SH3RF3: variants seen among roughly 807,000 people sequenced by gnomAD.
SH3RF3 encodes the protein SH3 domain containing ring finger 3, also known as E3 ubiquitin-protein ligase SH3RF3.
Under a neutral mutation model 66.3 loss-of-function variants are expected in SH3RF3, and 29 were observed. That is an observed-to-expected ratio of 0.44 (90% confidence interval 0.33 to 0.60). The LOEUF is 0.60. SH3RF3 is among the 20% of genes least tolerant of loss of function. The pLI, the probability that SH3RF3 is intolerant of heterozygous loss-of-function variation, is 0.04. For synonymous variants in SH3RF3, 583 were observed against 532.0 expected (o/e 1.10, Z -1.32); for missense variants, 1,194 against 1,190.9 (o/e 1.00, Z -0.04).
rs1167104709 is a variant in SH3RF3 at position 109,235,637 on chromosome 2, T to C, written c.573+105524T>C. Among the ~76,000 whole-genome samples the C allele has an allele frequency of 3.9e-5, 6 of 152,350 alleles. No individual in the cohort carries two copies. The East Asian group carries it at 7.7e-4, about 20-fold the overall frequency. Reference sequence around the variant, plus strand: ...TGTTGTTTGTTTGTTTTGCTTTTGCTGTTTTTTGGTGTCATTAGAGGGAGA... The same window carrying C: ...TGTTGTTTGTTTGTTTTGCTTTTGCCGTTTTTTGGTGTCATTAGAGGGAGA... On this transcript the variant is annotated intron_variant, in intron 1 of 9. Transcript: ENST00000309415.
intron 3 of SH3RF3, among the ~76,000 whole-genome samples, chr2:109,383,816 T>C (rs1384153854): frequency 6.6e-6 from 1 of 152,154 alleles, no homozygotes; most frequent in Non-Finnish European, 1.5e-5. Context: ...TCAGCCGCAT[T>C]TTCCAGACGT....
chr2:109,138,633 AG>A (rs1676867578), intron 1 of SH3RF3, among the ~76,000 whole-genome samples: 1 of 152,216 alleles, frequency 6.6e-6, no homozygotes, highest in Admixed American at 6.5e-5. Flanking sequence ...GTTCATCTGC[AG>A]TGAGGAAGTG....
At chr2:109,440,412 G>C (rs1392943140) in intron 7 of SH3RF3, among the ~76,000 whole-genome samples, 2 of 152,218 alleles carry the variant, frequency 1.3e-5, no homozygotes, top group African/African-American at 2.4e-5. Flanking sequence ...GAGCATGGAG[G>C]TTCTTCTAGA....
chr2:109,387,354 CAG>C (rs930357406), intron 3 of SH3RF3, among the ~76,000 whole-genome samples: 6 of 152,324 alleles, frequency 3.9e-5, no homozygotes, highest in African/African-American at 1.2e-4. Flanking sequence ...TTCCCCATCT[CAG>C]GGGAGATCCA....
intron 1 of SH3RF3, among the ~76,000 whole-genome samples, chr2:109,196,986 G>A (rs762314118): frequency 3.3e-5 from 5 of 152,194 alleles, no homozygotes; most frequent in Non-Finnish European, 5.9e-5. Flanking sequence ...CAGGTGCTTA[G>A]TTTGATTTCC....
At chr2:109,204,988 AC>A (rs1678776144) in intron 1 of SH3RF3, among the ~76,000 whole-genome samples, 1 of 152,164 alleles carries the variant, frequency 6.6e-6, no homozygotes, top group African/African-American at 2.4e-5. Context: ...CAGGAGGATC[AC>A]TTGAAGCCAG....
chr2:109,130,196 T>C, intron 1 of SH3RF3, 83 bp downstream of exon 1: 1 of 1,195,226 alleles, frequency 8.4e-7, no homozygotes, highest in Non-Finnish European at 1.0e-6. Flanking sequence ...AGTGATGAGG[T>C]GCGGAGGAGA....
At chr2:109,145,573 G>C (rs1166198241) in intron 1 of SH3RF3, among the ~76,000 whole-genome samples, 2 of 152,212 alleles carry the variant, frequency 1.3e-5, no homozygotes, top group African/African-American at 4.8e-5. Context: ...TGTCCGGGGG[G>C]CCTCACTGTT....
chr2:109,331,492 A>G (rs1001646744), intron 1 of SH3RF3, among the ~76,000 whole-genome samples: 2 of 151,096 alleles, frequency 1.3e-5, no homozygotes, highest in South Asian at 2.1e-4. Flanking sequence ...TCCCGCGTCT[A>G]CTCCTTCAGG....
intron 4 of SH3RF3, among the ~76,000 whole-genome samples, chr2:109,403,411 C>T (rs1676368269): frequency 6.6e-6 from 1 of 152,256 alleles, no homozygotes; most frequent in African/African-American, 2.4e-5. Flanking sequence ...GTTTCCACTT[C>T]AGAGATGAGG....
chr2:109,345,531 G>C (rs12472948), intron 1 of SH3RF3, among the ~76,000 whole-genome samples: 23,830 of 152,078 alleles, frequency 0.16, 1,970 homozygotes, highest in Middle Eastern at 0.23. Context: ...GGGAAATGGA[G>C]TCATTCCCTG....
chr2:109,129,475 G>T lies in SH3RF3; in HGVS notation c.-66G>T, dbSNP rs184745542. The T allele has an allele frequency of 6.7e-7, 1 of 1,494,514 alleles. No individual in the cohort carries two copies. The highest frequency in any genetic ancestry group is 1.5e-5 in the African/African-American group (1 of 68,744). The allele number at this position is 1,494,514 out of a possible 1,614,324, so 92.6% of individuals were successfully genotyped here. On this transcript the variant is annotated 5_prime_UTR_variant, in exon 1 of 10. Coordinates refer to ENST00000309415, the MANE Select transcript of SH3RF3 (RefSeq NM_001099289.3). Reference sequence around the variant, plus strand: ...TCCCCAGTCCTGATGCTGGCTGCCGGTGGCGGGCTCCACGCCGGCCCCGGG... The same window carrying T: ...TCCCCAGTCCTGATGCTGGCTGCCGTTGGCGGGCTCCACGCCGGCCCCGGG...
At chr2:109,172,173 G>A (rs1001896906) in intron 1 of SH3RF3, among the ~76,000 whole-genome samples, 7 of 152,226 alleles carry the variant, frequency 4.6e-5, no homozygotes, top group South Asian at 4.1e-4. Flanking sequence ...ATGCCGATGA[G>A]TGAGCTGTGC....
intron 1 of SH3RF3, among the ~76,000 whole-genome samples, chr2:109,249,509 CATTCTTTCTTTT>C (rs1680013898): frequency 1.5e-5 from 1 of 66,358 alleles, no homozygotes; most frequent in South Asian, 5.2e-4. Flanking sequence ...TTCTTTCTTT[CATTCTTTCTTTT>C]TCTTTCTTTC....
chr2:109,442,002 A>G (rs992784158), intron 7 of SH3RF3, among the ~76,000 whole-genome samples: 1 of 152,052 alleles, frequency 6.6e-6, no homozygotes, highest in African/African-American at 2.4e-5. Flanking sequence ...AAACTAAAAG[A>G]TTTTGTCTCT....
At chr2:109,370,742 C>T (rs1449823740) in intron 2 of SH3RF3, among the ~76,000 whole-genome samples, 2 of 152,166 alleles carry the variant, frequency 1.3e-5, no homozygotes, top group Non-Finnish European at 2.9e-5. Flanking sequence ...GTCTCAACCC[C>T]CCCGAAAGCC....
chr2:109,333,442 T>C (rs1225758531), intron 1 of SH3RF3, among the ~76,000 whole-genome samples: 1 of 152,242 alleles, frequency 6.6e-6, no homozygotes, highest in Non-Finnish European at 1.5e-5. Flanking sequence ...CTAACCTTAG[T>C]CAGTCATCCT....
chr2:109,449,560 G>A (rs1677808510), intron 8 of SH3RF3, 71 bp downstream of exon 8: 4 of 1,531,096 alleles, frequency 2.6e-6, no homozygotes, highest in African/African-American at 1.4e-5. Flanking sequence ...GGCACTAGAT[G>A]GCAGTGGCAT....
intron 2 of SH3RF3, among the ~76,000 whole-genome samples, chr2:109,358,499 AT>A (rs1682995721): frequency 6.6e-6 from 1 of 152,180 alleles, no homozygotes; most frequent in African/African-American, 2.4e-5. Flanking sequence ...TTGCTGGGCC[AT>A]TTTGCATTTC....
Sources: gnomAD v4.1 joint callset for allele counts (sites outside exome capture counted in the v4.1 genomes callset) on GRCh38, gnomAD v4.1.1 for gene constraint, MANE v1.5 for transcripts, NCBI Gene and HGNC (gene_info 2026-07-23, HGNC 2026-07-21) for gene names.